Variants in SPMIP3 observed in about 807,000 individuals in gnomAD.
SPMIP3 encodes protein SPMIP3.
At chr1:244,386,155 G>A in the SPMIP3 span, among the ~76,000 whole-genome samples, 1 of 152,082 alleles carries the variant, frequency 6.6e-6, no homozygotes, top group Non-Finnish European at 1.5e-5. Flanking sequence ...TCCAGCCTGG[G>A]CAACAGAGTG....
chr1:244,364,919 C>G, the SPMIP3 span, among the ~76,000 whole-genome samples: 2 of 152,154 alleles, frequency 1.3e-5, no homozygotes, highest in Non-Finnish European at 1.5e-5. Context: ...CTGTGCAAAC[C>G]TACCGGCAAA....
chr1:244,370,753 T>G, the SPMIP3 span, among the ~76,000 whole-genome samples: 1 of 152,280 alleles, frequency 6.6e-6, no homozygotes, highest in South Asian at 2.1e-4. Flanking sequence ...TCATCACACA[T>G]ACCCTCGGGT....
At chr1:244,364,401 G>A in the SPMIP3 span, among the ~76,000 whole-genome samples, 14 of 151,916 alleles carry the variant, frequency 9.2e-5, no homozygotes, top group South Asian at 6.2e-4. Flanking sequence ...CACCACACCC[G>A]GCCTGCTTTT....
chr1:244,383,625 C>T, the SPMIP3 span, among the ~76,000 whole-genome samples: 1 of 152,088 alleles, frequency 6.6e-6, no homozygotes, highest in Non-Finnish European at 1.5e-5. Flanking sequence ...AAATGATGAG[C>T]CAAGAGCTGA....
the SPMIP3 span, among the ~76,000 whole-genome samples, chr1:244,382,160 T>C: frequency 1.3e-5 from 2 of 152,102 alleles, no homozygotes; most frequent in East Asian, 3.9e-4. Context: ...GAAGACAAGA[T>C]ACCTGCTTCC....
At chr1:244,364,951 C>T in the SPMIP3 span, among the ~76,000 whole-genome samples, 17 of 151,950 alleles carry the variant, frequency 1.1e-4, no homozygotes, top group Non-Finnish European at 1.5e-4. Flanking sequence ...GCTGAGACGC[C>T]GAAGAAAGAG....
the SPMIP3 span, among the ~76,000 whole-genome samples, chr1:244,373,757 C>G: frequency 6.6e-6 from 1 of 151,650 alleles, no homozygotes; most frequent in African/African-American, 2.4e-5. Flanking sequence ...ACTTTTACAC[C>G]AACCTATCTC....
chr1:244,361,859 C>G, the SPMIP3 span, among the ~76,000 whole-genome samples: 2 of 152,206 alleles, frequency 1.3e-5, no homozygotes, highest in South Asian at 2.1e-4. Context: ...CTCAAAAGCC[C>G]TGAATACCTG....
chr1:244,375,157 G>C, the SPMIP3 span: 1 of 346,370 alleles, frequency 2.9e-6, no homozygotes. Flanking sequence ...GGAGGAGGGA[G>C]GCCTGCGAGG....
chr1:244,377,877 C>G, the SPMIP3 span, among the ~76,000 whole-genome samples: 1 of 152,130 alleles, frequency 6.6e-6, no homozygotes, highest in South Asian at 2.1e-4. Flanking sequence ...TCAGTCTCGG[C>G]TCACTGCAAC....
chr1:244,364,311 T>C, the SPMIP3 span, among the ~76,000 whole-genome samples: 1 of 152,134 alleles, frequency 6.6e-6, no homozygotes, highest in Non-Finnish European at 1.5e-5. Context: ...TTCACCGTGT[T>C]AGCCAGGATG....
At chr1:244,367,606 G>A in the SPMIP3 span, among the ~76,000 whole-genome samples, 1 of 152,160 alleles carries the variant, frequency 6.6e-6, no homozygotes, top group East Asian at 1.9e-4. Flanking sequence ...CAACCCACGT[G>A]CGGCTCGGAG....
chr1:244,354,578 C>T, the SPMIP3 span, among the ~76,000 whole-genome samples: 7 of 152,270 alleles, frequency 4.6e-5, no homozygotes, highest in Admixed American at 2.6e-4. Context: ...CCAGGCTGGT[C>T]TCGAACTCCT....
the SPMIP3 span, among the ~76,000 whole-genome samples, chr1:244,386,699 A>G: frequency 6.6e-6 from 1 of 152,232 alleles, no homozygotes; most frequent in Non-Finnish European, 1.5e-5. Context: ...ACACTCGATT[A>G]AATCTAAAAA....
the SPMIP3 span, among the ~76,000 whole-genome samples, chr1:244,376,953 C>T: frequency 5.3e-5 from 8 of 151,608 alleles, no homozygotes; most frequent in East Asian, 1.2e-3. Flanking sequence ...GGATTACAGG[C>T]GGCCACCATC....
the SPMIP3 span, among the ~76,000 whole-genome samples, chr1:244,371,672 T>C: frequency 6.6e-6 from 1 of 152,136 alleles, no homozygotes; most frequent in Non-Finnish European, 1.5e-5. Flanking sequence ...ATGCACGCCA[T>C]GGTCAAAACC....
chr1:244,375,237 G>A, the SPMIP3 span: 9 of 594,004 alleles, frequency 1.5e-5, 1 homozygote, highest in Middle Eastern at 3.3e-4. Flanking sequence ...GAAATTCCAT[G>A]GGTTTTAGGG....
At chr1:244,358,516 T>C in the SPMIP3 span, among the ~76,000 whole-genome samples, 12 of 150,802 alleles carry the variant, frequency 8.0e-5, no homozygotes, top group African/African-American at 2.4e-4. Flanking sequence ...ACCCAGGAGG[T>C]AGAGGTTGCA....
At chr1:244,377,805 T>C in the SPMIP3 span, among the ~76,000 whole-genome samples, 39 of 152,222 alleles carry the variant, frequency 2.6e-4, 1 homozygote, top group South Asian at 7.9e-3. Context: ...TAACCAGTTG[T>C]ATTGATTCCT....
Sources: gnomAD v4.1 joint callset for allele counts (sites outside exome capture counted in the v4.1 genomes callset) on GRCh38, gnomAD v4.1.1 for gene constraint, MANE v1.5 for transcripts, NCBI Gene and HGNC (gene_info 2026-07-23, HGNC 2026-07-21) for gene names.